Variants in SCNN1A observed in about 807,000 individuals in gnomAD.
SCNN1A encodes epithelial sodium channel subunit alpha.
A neutral mutation model predicts 68.6 loss-of-function variants in SCNN1A; 65 were observed. The observed-to-expected ratio is 0.95, with a 90% CI of 0.78 to 1.16. SCNN1A has a LOEUF of 1.16. Among genes scored for constraint, SCNN1A ranks in the 50% most tolerant of loss-of-function variants. SCNN1A has a pLI of 0.00. For missense variants in SCNN1A, 880 were observed against 865.9 expected, an observed-to-expected ratio of 1.02 and a Z score of -0.20; for synonymous variants, 357 against 353.3, an observed-to-expected ratio of 1.01 and a Z score of -0.12.
In SCNN1A at chr12:6,374,559, C is replaced by T. The variant is rs907849844; in HGVS notation, c.225G>A (p.Val75=). 6.2e-7 allele frequency: 1 copy of T among 1,614,076 alleles called. No individual in the cohort carries two copies. Among genetic ancestry groups the T allele is most frequent in the Admixed American group, 1.7e-5 (1 of 60,010 alleles). The change falls in exon 2 of 13, where the codon GTG becomes GTA. Residue 75 remains valine, a synonymous_variant. Transcript: ENST00000228916. The surrounding 1 kb of genome is among the most constrained non-coding windows in gnomAD (Gnocchi z 6.2). The part of the protein sequence containing the change: ...NTTIHGAIRL[V]CSQHNRMKTA... ...TCTTCATGCGGTTGTGCTGGGAGCA[C>T]ACCAGGCGGATGGCGCCGTGGATGG...
In SCNN1A at chr12:6,348,939, G is replaced by C. The variant is rs1362340046; in HGVS notation, c.1553+11C>G. ...TTCCCTTCTTGTGGCTGGGACCAGG[G>C]CAGGACTGACCTCTTGTTGTTGACG... On this transcript the variant is annotated intron_variant, in intron 11 of 12. Coordinates refer to ENST00000228916, the MANE Select transcript of SCNN1A (RefSeq NM_001038.6). 1 of 1,613,664 alleles carries C rather than the reference G, an allele frequency of 6.2e-7. No individual in the cohort carries two copies. Among genetic ancestry groups the C allele is most frequent in the Non-Finnish European group, 8.5e-7 (1 of 1,179,652 alleles).
At chr12:6,373,825 C>T (rs547020888) in intron 2 of SCNN1A, among the ~76,000 whole-genome samples, 2 of 152,152 alleles carry the variant, frequency 1.3e-5, no homozygotes, top group East Asian at 3.9e-4. Flanking sequence ...AGCCTTTGGG[C>T]TCACTTGCAG....
At chr12:6,359,764 CTTTTTTTTTT>C (rs59652159) in intron 4 of SCNN1A, among the ~76,000 whole-genome samples, 1 of 76,934 alleles carries the variant, frequency 1.3e-5, no homozygotes, top group Non-Finnish European at 2.2e-5. Flanking sequence ...TCAGATATTC[CTTTTTTTTTT>C]TTTTTTTTTT....
At chr12:6,349,838 T>C (rs1948345663) in intron 8 of SCNN1A, 1 of 184,102 alleles carries the variant, frequency 5.4e-6, no homozygotes, top group African/African-American at 2.4e-5. Flanking sequence ...ACCATTCTCC[T>C]GCATCAGCCT....
upstream of SCNN1A, chr12:6,377,136 C>G: frequency 1.3e-6 from 1 of 764,734 alleles, no homozygotes; most frequent in Non-Finnish European, 2.1e-6. Context: ...AAAGGCAGTA[C>G]TCCAGGCTCA....
intron 4 of SCNN1A, 75 bp from the exon 5 acceptor site, chr12:6,355,955 G>T (rs1948489576): frequency 1.0e-6 from 1 of 952,474 alleles, no homozygotes. Context: ...GAGGCAGAGA[G>T]AAATGTCCAC....
chr12:6,355,155 A>T, intron 6 of SCNN1A, 117 bp downstream of exon 6: 1 of 1,147,404 alleles, frequency 8.7e-7, no homozygotes, highest in Admixed American at 2.0e-5. Context: ...GCTCCTGAAG[A>T]CCTCCACATG....
intron 1 of SCNN1A, chr12:6,375,300 C>G: frequency 4.2e-6 from 6 of 1,438,700 alleles, no homozygotes; most frequent in Non-Finnish European, 5.4e-6. Flanking sequence ...CTCTCCCCCC[C>G]TTGCCTTGCC....
At chr12:6,360,788 C>CT (rs1278029486) in intron 4 of SCNN1A, among the ~76,000 whole-genome samples, 4 of 151,338 alleles carry the variant, frequency 2.6e-5, no homozygotes, top group Non-Finnish European at 4.4e-5. Flanking sequence ...GGGACCCCCC[C>CT]CTCGCCTCAG....
At position 6,354,808 on chromosome 12, in the gene SCNN1A, G is replaced by C. The variant is rs767449498; in HGVS notation, c.1184C>G (p.Thr395Ser). 1.2e-5 allele frequency: 19 copies of C among 1,613,842 alleles called. No homozygotes were observed. Among genetic ancestry groups the C allele is most frequent in the Non-Finnish European group, 1.4e-5 (16 of 1,179,988 alleles). ...AACAGGAACATCACTGCCATTCTTG[G>C]TGCAGTCGCCATAATCGCCCCCAAG... ...DRLGGDYGDC[T>S]KNGSDVPVEN... The change falls in exon 7 of 13, where the codon ACC (threonine) becomes AGC (serine). Residue 395 changes from threonine (T) to serine (S), a missense_variant. Physicochemically the swap from Thr to Ser is moderately conservative, Grantham distance 58. Around this residue, in one of 3 missense-constraint regions of SCNN1A, gnomAD observed 758 missense variants for 721.8 expected, o/e 1.05. Coordinates refer to ENST00000228916, the MANE Select transcript of SCNN1A (RefSeq NM_001038.6).
In SCNN1A at chr12:6,357,810, C is replaced by G. The variant is rs548185934; in HGVS notation, c.876-1930G>C. On this transcript the variant is annotated intron_variant, in intron 4 of 12. Coordinates refer to ENST00000228916, the MANE Select transcript of SCNN1A (RefSeq NM_001038.6). ...GGTCAGGAGTTTGAGACCAGCCTGGCCAACATGGTGAAACCCCATCTCTAC... is the reference window on the plus strand; with the variant it reads ...GGTCAGGAGTTTGAGACCAGCCTGGGCAACATGGTGAAACCCCATCTCTAC... 2.6e-5 allele frequency among the ~76,000 whole-genome samples: 4 copies of G among 152,264 alleles called. No individual in the cohort carries two copies. In the East Asian group the frequency reaches 7.7e-4, roughly 29 times the overall value.
intron 2 of SCNN1A, among the ~76,000 whole-genome samples, chr12:6,370,487 C>T (rs1301364356): frequency 6.6e-6 from 1 of 152,326 alleles, no homozygotes; most frequent in East Asian, 1.9e-4. Context: ...CCTCTTACCC[C>T]GGTGGCCTCC....
chr12:6,363,990 C>A, intron 2 of SCNN1A: 1 of 319,134 alleles, frequency 3.1e-6, no homozygotes. Context: ...GGGGCGCTCT[C>A]CCCCTCGCCC....
intron 1 of SCNN1A, 184 bp downstream of exon 1, chr12:6,375,321 C>T: frequency 1.4e-6 from 2 of 1,442,030 alleles, no homozygotes; most frequent in Non-Finnish European, 1.8e-6. Context: ...CCCTCTCACT[C>T]TAGGCCCTCA....
chr12:6,348,140 G>T lies in SCNN1A; in HGVS notation c.1743C>A (p.Phe581Leu), dbSNP rs1165023866. The stretch of plus-strand genomic sequence containing the variant: ...TTCGGAACCTTCGGAGCAGCATGAG[G>T]AACATGATGACCAGCAGGTCAAAGA... Reference protein sequence around the residue: ...ELVFDLLVIMFLMLLRRFRSR... With the variant: ...ELVFDLLVIMLLMLLRRFRSR... Residue 581 changes from phenylalanine to leucine, a missense_variant, in exon 13 of 13, where the codon TTC becomes TTA. By Grantham distance (22) the Phe-to-Leu change is conservative. Coordinates refer to ENST00000228916, the MANE Select transcript of SCNN1A (RefSeq NM_001038.6). 33 of 1,614,050 alleles carry T rather than the reference G, an allele frequency of 2.0e-5. No individual in the cohort carries two copies. Among genetic ancestry groups the T allele is most frequent in the Admixed American group, 3.3e-5 (2 of 60,008 alleles).
chr12:6,355,728 T>G, intron 5 of SCNN1A, 49 bp downstream of exon 5: 1 of 1,285,178 alleles, frequency 7.8e-7, no homozygotes. Flanking sequence ...TAAGTACAGG[T>G]GAGTGGCTGA....
Position 6,349,205 on chromosome 12 carries a change from G to A in SCNN1A, c.1456C>T (p.Leu486Phe), listed in dbSNP as rs1172216191. Reference sequence around the variant, plus strand: ...GGCCATCGTGAGTAACCAGCAGAGAGCTGGTAGCTGGTCACGCTGGGGATG... The same window carrying A: ...GGCCATCGTGAGTAACCAGCAGAGAACTGGTAGCTGGTCACGCTGGGGATG... ...RKPCSVTSYQ[L>F]SAGYSRWPSV... Residue 486 changes from leucine (L) to phenylalanine (F), a missense_variant, in exon 10 of 13, where the codon CTC becomes TTC. By Grantham distance (22) the Leu-to-Phe change is conservative (BLOSUM62 0). This residue lies in a region of SCNN1A where 758 missense variants were observed against 721.8 expected (regional missense o/e 1.05). Transcript: ENST00000228916. 2.5e-6 allele frequency: 4 copies of A among 1,614,168 alleles called. No individual in the cohort carries two copies. Among genetic ancestry groups the A allele is most frequent in the Non-Finnish European group, 3.4e-6 (4 of 1,180,018 alleles).
At chr12:6,369,493 C>T (rs1326550426) in intron 2 of SCNN1A, among the ~76,000 whole-genome samples, 2 of 152,080 alleles carry the variant, frequency 1.3e-5, no homozygotes, top group Non-Finnish European at 2.9e-5. Context: ...TAGGGCCCCA[C>T]CTTCACTCTC....
Position 6,374,909 on chromosome 12 carries a change from C to T in SCNN1A, c.-54-72G>A. ...AGGCTGAGCTCTGGGCCCTGAGTGC[C>T]CTCTCCCATCACCCCTGGAACCCGA... On this transcript the variant is annotated intron_variant, in intron 1 of 12. Transcript: ENST00000228916. The surrounding 1 kb of genome is among the most constrained non-coding windows in gnomAD (Gnocchi z 6.2). 1 of 1,609,992 alleles carries T rather than the reference C, an allele frequency of 6.2e-7. No homozygotes were observed. Among genetic ancestry groups the T allele is most frequent in the African/African-American group, 1.3e-5 (1 of 74,948 alleles).
Sources: allele counts gnomAD v4.1 joint callset (sites outside exome capture counted in the v4.1 genomes callset), GRCh38; gene constraint gnomAD v4.1.1; regional missense constraint gnomAD v4.1.1; non-coding constraint Gnocchi (gnomAD v3.1); transcripts MANE v1.5; gene names NCBI Gene and HGNC (gene_info 2026-07-23, HGNC 2026-07-21).